Variants in ITGBL1 observed in about 807,000 individuals in gnomAD.
The protein encoded by ITGBL1 is integrin beta-like protein 1.
In ITGBL1, 51 loss-of-function variants were observed where a neutral mutation model predicts 68.5. That is an observed-to-expected ratio of 0.74 (90% CI 0.59 to 0.94). ITGBL1 has a LOEUF of 0.94. Ranked by LOEUF, ITGBL1 falls within the 40% of genes least tolerant of loss-of-function variation. The pLI, the probability that ITGBL1 is intolerant of heterozygous loss-of-function variation, is 0.00. For synonymous variants in ITGBL1, 209 were observed against 227.3 expected, an observed-to-expected ratio of 0.92 and a Z score of 0.72; for missense variants, 649 against 647.4, an observed-to-expected ratio of 1.00 and a Z score of -0.03.
At chr13:101,611,559 A>G (rs1054778125) in intron 7 of ITGBL1, among the ~76,000 whole-genome samples, 10 of 152,174 alleles carry the variant, frequency 6.6e-5, no homozygotes, top group Middle Eastern at 3.2e-3. Context: ...TACATGTTTA[A>G]AATGGGAAAG....
At chr13:101,711,611 G>T (rs568601639) in intron 9 of ITGBL1, 1 of 152,344 alleles carries the variant, frequency 6.6e-6, no homozygotes, top group African/African-American at 2.4e-5. Flanking sequence ...GAAGTCTTCA[G>T]TTAACTGTTT....
intron 7 of ITGBL1, among the ~76,000 whole-genome samples, chr13:101,681,466 G>T (rs2033639224): frequency 6.6e-6 from 1 of 152,064 alleles, no homozygotes; most frequent in Non-Finnish European, 1.5e-5. Flanking sequence ...AGATGTACTT[G>T]GTCCTGAATA....
At position 101,686,790 on chromosome 13, in the gene ITGBL1, C is replaced by T. The variant is rs74122633; in HGVS notation, c.1016-5795C>T. On this transcript the variant is annotated intron_variant, in intron 7 of 10. Transcript: ENST00000376180. Reference sequence around the variant, plus strand: ...TTCAAGTGGCAACTATTTTATAAACCCAGAGCAGAGTTTTATTTCCAGAAT... The same window carrying T: ...TTCAAGTGGCAACTATTTTATAAACTCAGAGCAGAGTTTTATTTCCAGAAT... Among the ~76,000 whole-genome samples, 957 of 152,010 alleles carry T rather than the reference C, an allele frequency of 6.3e-3. 9 individuals are homozygous for T. Among genetic ancestry groups the T allele is most frequent in the African/African-American group, 0.021 (878 of 41,470 alleles).
At chr13:101,685,423 A>G (rs988257279) in intron 7 of ITGBL1, among the ~76,000 whole-genome samples, 1 of 152,052 alleles carries the variant, frequency 6.6e-6, no homozygotes, top group Non-Finnish European at 1.5e-5. Flanking sequence ...ATTCCTTTAA[A>G]TGCATTTGTA....
At chr13:101,544,161 G>GT (rs1232215177) in intron 2 of ITGBL1, among the ~76,000 whole-genome samples, 1 of 152,114 alleles carries the variant, frequency 6.6e-6, no homozygotes, top group Non-Finnish European at 1.5e-5. Context: ...TTTCTGCTCT[G>GT]TTTTTTCCCC....
chr13:101,484,955 A>C (rs895326222), intron 2 of ITGBL1, among the ~76,000 whole-genome samples: 3 of 152,164 alleles, frequency 2.0e-5, no homozygotes, highest in Non-Finnish European at 4.4e-5. Context: ...AAAACCGTTA[A>C]TAGGGAGACA....
chr13:101,526,404 T>C (rs1594866625), intron 2 of ITGBL1, among the ~76,000 whole-genome samples: 1 of 152,066 alleles, frequency 6.6e-6, no homozygotes, highest in South Asian at 2.1e-4. Flanking sequence ...TGCAGCACTA[T>C]TCACAATAGC....
chr13:101,706,639 A>G, intron 8 of ITGBL1, 117 bp from the exon 9 acceptor site: 1 of 1,015,898 alleles, frequency 9.8e-7, no homozygotes. Context: ...ATGCATAAAG[A>G]AGAATGTGTT....
chr13:101,609,800 A>T (rs896607669), intron 7 of ITGBL1, among the ~76,000 whole-genome samples: 1 of 152,114 alleles, frequency 6.6e-6, no homozygotes, highest in Non-Finnish European at 1.5e-5. Context: ...AGTCCAGAAA[A>T]CTGTATTACT....
intron 7 of ITGBL1, among the ~76,000 whole-genome samples, chr13:101,602,330 A>G (rs2139337450): frequency 6.6e-6 from 1 of 152,150 alleles, no homozygotes; most frequent in East Asian, 1.9e-4. Flanking sequence ...AGATCAGTAC[A>G]AATTGGAGAA....
At chr13:101,694,390 T>C (rs971614171) in intron 8 of ITGBL1, among the ~76,000 whole-genome samples, 11 of 152,134 alleles carry the variant, frequency 7.2e-5, no homozygotes, top group Admixed American at 3.9e-4. Context: ...ATGTCTCTGC[T>C]CTTGTTACCA....
At chr13:101,610,804 G>A (rs974870844) in intron 7 of ITGBL1, among the ~76,000 whole-genome samples, 3 of 152,052 alleles carry the variant, frequency 2.0e-5, no homozygotes, top group Admixed American at 6.6e-5. Flanking sequence ...CAAATATGTC[G>A]GGAGAAGGGA....
At chr13:101,665,679 C>T (rs935424473) in intron 7 of ITGBL1, among the ~76,000 whole-genome samples, 3 of 151,990 alleles carry the variant, frequency 2.0e-5, no homozygotes, top group Admixed American at 6.6e-5. Context: ...GCATTCTTGT[C>T]GTGCTCCCAA....
At chr13:101,468,325 C>A (rs2139636692) in intron 2 of ITGBL1, among the ~76,000 whole-genome samples, 1 of 152,190 alleles carries the variant, frequency 6.6e-6, no homozygotes, top group Admixed American at 6.5e-5. Context: ...TAATTTTAAG[C>A]CTTGAAATTA....
At chr13:101,529,687 A>T (rs780319027) in intron 2 of ITGBL1, among the ~76,000 whole-genome samples, 2 of 152,178 alleles carry the variant, frequency 1.3e-5, no homozygotes, top group Non-Finnish European at 2.9e-5. Flanking sequence ...TGCTGTTCTC[A>T]TGATAGTGAG....
chr13:101,662,801 C>T (rs1219697358), intron 7 of ITGBL1, among the ~76,000 whole-genome samples: 1 of 149,860 alleles, frequency 6.7e-6, no homozygotes, highest in African/African-American at 2.5e-5. Context: ...TGTTAATTAT[C>T]TTGGAATAGT....
chr13:101,681,174 G>A (rs1233394111), intron 7 of ITGBL1, among the ~76,000 whole-genome samples: 1 of 152,144 alleles, frequency 6.6e-6, no homozygotes, highest in Non-Finnish European at 1.5e-5. Flanking sequence ...TCTTCAGCAA[G>A]AACATGTGTG....
At chr13:101,634,434 A>G (rs1815539124) in intron 7 of ITGBL1, among the ~76,000 whole-genome samples, 1 of 152,128 alleles carries the variant, frequency 6.6e-6, no homozygotes, top group Middle Eastern at 3.2e-3. Context: ...AAAGGCCTTG[A>G]TATCCAAGTT....
chr13:101,703,727 A>T (rs1464161075), intron 8 of ITGBL1, among the ~76,000 whole-genome samples: 1 of 152,206 alleles, frequency 6.6e-6, no homozygotes, highest in Non-Finnish European at 1.5e-5. Flanking sequence ...GATTGAAAGG[A>T]TAGCTGTTAC....
Sources: allele counts gnomAD v4.1 joint callset (sites outside exome capture counted in the v4.1 genomes callset), GRCh38; gene constraint gnomAD v4.1.1; transcripts MANE v1.5; gene names NCBI Gene and HGNC (gene_info 2026-07-23, HGNC 2026-07-21).